CD163: variants seen among roughly 807,000 people sequenced by gnomAD.
The protein encoded by CD163 is CD163 molecule.
A neutral mutation model predicts 129.2 loss-of-function variants in CD163; 64 were observed. The ratio of observed to expected loss-of-function variants is 0.50; its 90% CI spans 0.41 to 0.61. The LOEUF (loss-of-function observed/expected upper bound fraction) is 0.61. CD163 is among the 20% of genes least tolerant of loss of function. The pLI is 0.00. For synonymous variants in CD163, 446 were observed against 478.5 expected, an observed-to-expected ratio of 0.93 and a Z score of 0.89; for missense variants, 1,061 against 1,377.9, an observed-to-expected ratio of 0.77 and a Z score of 3.64.
rs752042170 is a variant in CD163, at chr12:7,487,804, G to GCTA, written c.1701_1703dup (p.Ser568dup). Reference sequence around the variant, plus strand: ...AGACTACTCCAACATCCCTGCTGTGGCTACAAGTTCCTTCTGGGCGGGGTG... The same window carrying GCTA: ...AGACTACTCCAACATCCCTGCTGTGGCTACTACAAGTTCCTTCTGGGCGGGGTG... On this transcript the variant is annotated inframe_insertion, in exon 7 of 17. Coordinates refer to ENST00000432237, the MANE Select transcript of CD163 (RefSeq NM_203416.4). This position sits in a 1 kb window ranked among gnomAD's most constrained non-coding sequence, Gnocchi z 5.1. 6.2e-7 allele frequency: 1 copy of GCTA among 1,613,944 alleles called. No homozygotes were observed. The highest frequency in any genetic ancestry group is 8.5e-7 in the Non-Finnish European group (1 of 1,180,024).
intron 1 of CD163, among the ~76,000 whole-genome samples, chr12:7,503,318 T>C (rs755721916): frequency 2.8e-4 from 42 of 152,370 alleles, no homozygotes; most frequent in Non-Finnish European, 5.3e-4. Flanking sequence ...ACTTTCTTTA[T>C]GTAATTAACT....
intron 6 of CD163, among the ~76,000 whole-genome samples, chr12:7,489,527 A>G (rs1250925387): frequency 2.1e-4 from 32 of 152,114 alleles, no homozygotes; most frequent in Admixed American, 2.1e-3. Flanking sequence ...CAATGTAATG[A>G]CCTATAATGT....
chr12:7,499,242 T>A, intron 3 of CD163, 54 bp from the exon 4 acceptor site: 1 of 1,488,962 alleles, frequency 6.7e-7, no homozygotes, highest in South Asian at 1.3e-5. Context: ...AGAAGTGATT[T>A]TAGAAAAGAA....
At chr12:7,480,109 G>A (rs540333247) in intron 15 of CD163, 196 bp from the exon 16 acceptor site, 7 of 907,134 alleles carry the variant, frequency 7.7e-6, no homozygotes, top group Non-Finnish European at 1.1e-5. Flanking sequence ...AAGCATGTGT[G>A]ATTTAAGGGG....
intron 16 of CD163, among the ~76,000 whole-genome samples, chr12:7,474,716 T>C (rs1376153912): frequency 6.6e-6 from 1 of 151,714 alleles, no homozygotes; most frequent in Non-Finnish European, 1.5e-5. Flanking sequence ...AGACAAGAAA[T>C]AACTAAGATC....
chr12:7,486,431 A>C, intron 10 of CD163, 68 bp downstream of exon 10: 2 of 1,347,304 alleles, frequency 1.5e-6, no homozygotes, highest in South Asian at 1.3e-5. Flanking sequence ...TAAGATTAAT[A>C]CCCCTCACTA....
At chr12:7,481,286 C>T (rs1369314279) in intron 14 of CD163, 30 bp from the exon 15 acceptor site, 1 of 1,551,684 alleles carries the variant, frequency 6.4e-7, no homozygotes, top group Non-Finnish European at 8.9e-7. Context: ...GGTTAGGGAT[C>T]AGCTATCATA....
At chr12:7,492,776 T>C (rs1195587931) in intron 6 of CD163, among the ~76,000 whole-genome samples, 1 of 152,080 alleles carries the variant, frequency 6.6e-6, no homozygotes, top group African/African-American at 2.4e-5. Context: ...TAATTTGGAA[T>C]TGAAGAATTG....
In CD163 at chr12:7,487,789, A is replaced by C. The variant is rs887968382; in HGVS notation, c.1719T>G (p.Val573=). The change falls in exon 7 of 17, where the codon GTT becomes GTG. Residue 573 remains valine (V), a synonymous_variant. Transcript: ENST00000432237. This position sits in a 1 kb window ranked among gnomAD's most constrained non-coding sequence, Gnocchi z 5.1. ...PEGTCSHSRD[V]GVVCSRYTEI... ...GGGTCTTACTTGAGCAGACTACTCC[A>C]ACATCCCTGCTGTGGCTACAAGTTC... The C allele has an allele frequency of 3.7e-6, 6 of 1,614,062 alleles. No homozygotes were observed. The highest frequency in any genetic ancestry group is 5.1e-6 in the Non-Finnish European group (6 of 1,180,026).
Position 7,487,708 on chromosome 12 carries a change from A to G in CD163, c.1736-35T>C. On this transcript the variant is annotated intron_variant, in intron 7 of 16. Transcript: ENST00000432237. The surrounding 1 kb of genome is among the most constrained non-coding windows in gnomAD (Gnocchi z 5.1). ...GACAGGGCTTTAGAAAAAGACAGCT[A>G]TGACTCCCTAACCCTGTCCCTTTCA... The G allele has an allele frequency of 1.2e-6, 2 of 1,614,128 alleles. No homozygotes were observed. The highest frequency in any genetic ancestry group is 1.1e-5 in the South Asian group (1 of 91,084).
At chr12:7,489,292 T>G (rs1307792378) in intron 6 of CD163, among the ~76,000 whole-genome samples, 3 of 152,156 alleles carry the variant, frequency 2.0e-5, no homozygotes, top group Non-Finnish European at 4.4e-5. Flanking sequence ...TCATCTGTCA[T>G]GCAGACCTCT....
In CD163 at chr12:7,499,069, C is replaced by T. The variant is rs1949442461; in HGVS notation, c.577G>A (p.Ala193Thr). ...TCAAGTTGTCTACAAATGACAGATGCATGATCTATGTTGAAGTTATCATCA... is the reference window on the plus strand; with the variant it reads ...TCAAGTTGTCTACAAATGACAGATGTATGATCTATGTTGAAGTTATCATCA... ...VCDDNFNIDH[A>T]SVICRQLECG... The change falls in exon 4 of 17, where the codon GCA becomes ACA. Residue 193 changes from alanine to threonine, a missense_variant. Ala to Thr is a moderately conservative substitution (Grantham distance 58). Coordinates refer to ENST00000432237, the MANE Select transcript of CD163 (RefSeq NM_203416.4). 6.2e-7 allele frequency: 1 copy of T among 1,614,150 alleles called. No individual in the cohort carries two copies. The highest frequency in any genetic ancestry group is 1.3e-5 in the African/African-American group (1 of 75,056).
intron 6 of CD163, among the ~76,000 whole-genome samples, chr12:7,490,239 A>G (rs115958972): frequency 3.9e-4 from 59 of 152,170 alleles, no homozygotes; most frequent in African/African-American, 1.2e-3. Flanking sequence ...TGCCAAATAC[A>G]CAGTGTGTGA....
At chr12:7,500,636 G>T (rs1464567548) in intron 3 of CD163, among the ~76,000 whole-genome samples, 1 of 151,986 alleles carries the variant, frequency 6.6e-6, no homozygotes, top group Non-Finnish European at 1.5e-5. Context: ...ATTGCACACT[G>T]GTCAAGCAAT....
rs988895971 is a variant in CD163 at position 7,496,727 on chromosome 12, C to G, written c.1099+86G>C. The stretch of plus-strand genomic sequence containing the variant: ...AGGCATTTCTACTTCTTAAGGAGCA[C>G]GTTCCTACTCTTAAGGAGCACAGGA... On this transcript the variant is annotated intron_variant, in intron 5 of 16. Coordinates refer to ENST00000432237, the MANE Select transcript of CD163 (RefSeq NM_203416.4). The surrounding 1 kb of genome is among the most constrained non-coding windows in gnomAD (Gnocchi z 4.8). 14 of 1,127,530 alleles carry G rather than the reference C, an allele frequency of 1.2e-5. No homozygotes were observed. Among genetic ancestry groups the G allele is most frequent in the Non-Finnish European group, 1.7e-5 (13 of 756,090 alleles). The allele number at this position is 1,127,530 out of a possible 1,614,324, so 69.8% of individuals were successfully genotyped here.
At position 7,493,215 on chromosome 12, in the gene CD163, A is replaced by G. The variant is rs753354439; in HGVS notation, c.1420+1866T>C. Among the ~76,000 whole-genome samples the G allele has an allele frequency of 7.2e-5, 11 of 152,330 alleles. No individual in the cohort carries two copies. In the South Asian group the frequency reaches 2.3e-3, roughly 32 times the overall value. On this transcript the variant is annotated intron_variant, in intron 6 of 16. Transcript: ENST00000432237. ...TGTGAAAGGTGTGCTGTCCTTAGAT[A>G]GAGATACTCTCCAAACCAAACTTGG...
At chr12:7,477,450 G>A (rs920648785) in intron 16 of CD163, among the ~76,000 whole-genome samples, 3 of 152,152 alleles carry the variant, frequency 2.0e-5, no homozygotes, top group Admixed American at 2.0e-4. Flanking sequence ...TATGGATGAA[G>A]CTGGAAACCA....
chr12:7,473,777 TGGCAAATTGGATAAA>T (rs1466965949), intron 16 of CD163, among the ~76,000 whole-genome samples: 2 of 152,034 alleles, frequency 1.3e-5, no homozygotes, highest in Non-Finnish European at 2.9e-5. Flanking sequence ...AGACACAGAC[TGGCAAATTGGATAAA>T]GAGTCAAGAT....
intron 1 of CD163, among the ~76,000 whole-genome samples, chr12:7,502,937 C>T (rs778107104): frequency 3.9e-5 from 6 of 152,288 alleles, no homozygotes; most frequent in African/African-American, 1.4e-4. Context: ...CCCTAACCAC[C>T]TTGATATTCA....
Sources: gnomAD v4.1 joint callset for allele counts (sites outside exome capture counted in the v4.1 genomes callset) on GRCh38, gnomAD v4.1.1 for gene constraint, Gnocchi (gnomAD v3.1) non-coding constraint, MANE v1.5 for transcripts, NCBI Gene and HGNC (gene_info 2026-07-23, HGNC 2026-07-21) for gene names.